USP54: variants seen among roughly 807,000 people sequenced by gnomAD.
USP54 encodes the protein ubiquitin specific peptidase 54, also known as ubiquitin carboxyl-terminal hydrolase 54.
USP54 carries 87 observed loss-of-function variants against 170.5 expected under a neutral mutation model. The observed-to-expected ratio is 0.51, with a 90% CI of 0.43 to 0.61. The LOEUF (loss-of-function observed/expected upper bound fraction) is 0.61. USP54 is among the 20% of genes least tolerant of loss of function. The probability of loss-of-function intolerance (pLI) is 0.00; values close to 1 mark genes in which losing one functional copy is unlikely to be tolerated. For synonymous variants in USP54, 655 were observed against 742.8 expected (o/e 0.88, Z 1.92); for missense variants, 1,786 against 2,047.8 (o/e 0.87, Z 2.47).
chr10:73,605,185 T>C (rs2079523169), intron 1 of USP54, among the ~76,000 whole-genome samples: 1 of 152,200 alleles, frequency 6.6e-6, no homozygotes, highest in East Asian at 1.9e-4. Context: ...TCCAGCTGGC[T>C]TCACCTCTCA....
At chr10:73,547,328 G>T (rs1019215494) in intron 4 of USP54, among the ~76,000 whole-genome samples, 1 of 152,136 alleles carries the variant, frequency 6.6e-6, no homozygotes, top group African/African-American at 2.4e-5. Flanking sequence ...TTGAACCCGG[G>T]AGGCTGAGGC....
intron 3 of USP54, among the ~76,000 whole-genome samples, chr10:73,573,056 G>A (rs2075485692): frequency 6.6e-6 from 1 of 152,076 alleles, no homozygotes; most frequent in African/African-American, 2.4e-5. Context: ...GGACAACGCA[G>A]GATGATCATT....
At chr10:73,597,835 A>G (rs2078852681) in intron 1 of USP54, among the ~76,000 whole-genome samples, 2 of 152,188 alleles carry the variant, frequency 1.3e-5, no homozygotes, top group Non-Finnish European at 2.9e-5. Context: ...CTGTAATCCC[A>G]ACACTTTGGG....
intron 18 of USP54, 115 bp downstream of exon 18, chr10:73,520,793 A>AG: frequency 6.9e-7 from 1 of 1,452,526 alleles, no homozygotes; most frequent in Admixed American, 1.8e-5. Flanking sequence ...AGTTTGGGAG[A>AG]GCAAGAGTGA....
intron 11 of USP54, among the ~76,000 whole-genome samples, chr10:73,535,471 A>AT (rs2065035369): frequency 6.6e-6 from 1 of 152,174 alleles, no homozygotes; most frequent in African/African-American, 2.4e-5. Context: ...TTTCAAAATT[A>AT]TATCAAGGGC....
At chr10:73,588,253 G>T (rs2077763312) in intron 1 of USP54, among the ~76,000 whole-genome samples, 1 of 151,772 alleles carries the variant, frequency 6.6e-6, no homozygotes, top group South Asian at 2.1e-4. Flanking sequence ...ACGGAGTCTC[G>T]CAGTCACCCA....
chr10:73,530,394 G>T lies in USP54; in HGVS notation c.1577C>A (p.Thr526Asn). The T allele has an allele frequency of 6.2e-7, 1 of 1,614,154 alleles. No homozygotes were observed. The highest frequency in any genetic ancestry group is 8.5e-7 in the Non-Finnish European group (1 of 1,180,028). ...GCCCCTGCAGTGAGAGCCTACATTGGTCTGAGAAGCCAGGGATGGTCTGTT... is the reference window on the plus strand; with the variant it reads ...GCCCCTGCAGTGAGAGCCTACATTGTTCTGAGAAGCCAGGGATGGTCTGTT... ...IHNRPSLASQ[T>N]NVGSHCRGRG... is the part of the protein sequence containing the mutation. Residue 526 changes from threonine to asparagine, a missense_variant, in exon 14 of 24, where the codon ACC becomes AAC. Physicochemically the swap from Thr to Asn is moderately conservative, Grantham distance 65 (BLOSUM62 0). Coordinates refer to ENST00000687698, the MANE Select transcript of USP54 (RefSeq NM_001391956.1).
intron 1 of USP54, among the ~76,000 whole-genome samples, chr10:73,604,290 G>A (rs1202018219): frequency 6.6e-6 from 1 of 152,102 alleles, no homozygotes; most frequent in Non-Finnish European, 1.5e-5. Context: ...AAAAAACAGT[G>A]TTGGCAAGAA....
intron 14 of USP54, 44 bp downstream of exon 14, chr10:73,530,099 C>CA: frequency 6.5e-7 from 1 of 1,547,586 alleles, no homozygotes; most frequent in Non-Finnish European, 8.7e-7. Flanking sequence ...AGACATAAAT[C>CA]AACTTTATTC....
chr10:73,530,555 T>A lies in USP54; in HGVS notation c.1448-32A>T, dbSNP rs200053879. On this transcript the variant is annotated intron_variant, in intron 13 of 23. Coordinates refer to ENST00000687698, the MANE Select transcript of USP54 (RefSeq NM_001391956.1). ...ACACAAAGAATGAAAGAAATATAGA[T>A]GTTTAAAGTGATCATGGATACTAGA... is the stretch of plus-strand genomic sequence containing the variant. 5.1e-5 allele frequency: 80 copies of A among 1,583,010 alleles called. No individual in the cohort carries two copies. The African/African-American group carries it at 9.0e-4, about 18-fold the overall frequency.
Position 73,615,102 on chromosome 10 carries a change from C to T in USP54, c.-18+10465G>A, listed in dbSNP as rs1056007418. The T allele has an allele frequency of 8.6e-5, 13 of 150,348 alleles. 1 individual carries two copies. The highest frequency in any genetic ancestry group is 6.8e-3 in the Middle Eastern group (2 of 294). The allele number at this position is 150,348 out of a possible 1,614,324, so 9.3% of individuals were successfully genotyped here. On this transcript the variant is annotated intron_variant, in intron 1 of 22. Coordinates refer to the USP54 transcript ENST00000339859. ...CTGTGGTGGCTCACATCTGTAATCC[C>T]GTCACTTTAGGAGGCCAAGGCAGCA...
chr10:73,501,286 T>G (rs2058060668), intron 22 of USP54, among the ~76,000 whole-genome samples: 1 of 152,172 alleles, frequency 6.6e-6, no homozygotes. Flanking sequence ...TACCCCATCT[T>G]CTCTCCTGTC....
At chr10:73,525,162 C>G (rs2062633132) in intron 16 of USP54, among the ~76,000 whole-genome samples, 1 of 152,062 alleles carries the variant, frequency 6.6e-6, no homozygotes, top group Non-Finnish European at 1.5e-5. Flanking sequence ...TATCTATGTA[C>G]TTGTGTAAGC....
At chr10:73,520,770 G>A in intron 18 of USP54, 138 bp downstream of exon 18, 1 of 1,227,480 alleles carries the variant, frequency 8.1e-7, no homozygotes, top group East Asian at 2.4e-5. Flanking sequence ...GGCAAAAACA[G>A]CTAACGCGAC....
chr10:73,501,144 G>A (rs1412558693), intron 22 of USP54, among the ~76,000 whole-genome samples: 1 of 152,014 alleles, frequency 6.6e-6, no homozygotes. Flanking sequence ...GAGAGATTGA[G>A]ATAGAAATTT....
upstream of USP54, among the ~76,000 whole-genome samples, chr10:73,593,910 G>C (rs963694649): frequency 2.0e-5 from 3 of 152,146 alleles, no homozygotes; most frequent in African/African-American, 7.2e-5. Flanking sequence ...AAGAGAAACA[G>C]AGGATTTCTC....
chr10:73,572,441 G>A (rs1029959400), intron 3 of USP54, among the ~76,000 whole-genome samples: 6 of 152,128 alleles, frequency 3.9e-5, no homozygotes, highest in Non-Finnish European at 7.3e-5. Flanking sequence ...GCTCCCCCTT[G>A]CTAGGAAAAC....
rs181927416 is a variant in USP54, at chr10:73,580,806, T to C, written c.-581-4445A>G. On this transcript the variant is annotated intron_variant, in intron 1 of 23. Transcript: ENST00000687698. Reference sequence around the variant, plus strand: ...GTTGACCATGCTGGTCTCCAACTCCTGACTTCAGGTGATCCTCCCGCCTCA... The same window carrying C: ...GTTGACCATGCTGGTCTCCAACTCCCGACTTCAGGTGATCCTCCCGCCTCA... 3.4e-4 allele frequency among the ~76,000 whole-genome samples: 52 copies of C among 152,238 alleles called. No homozygotes were observed. In the East Asian group the frequency reaches 8.5e-3, roughly 25 times the overall value.
intron 20 of USP54, among the ~76,000 whole-genome samples, 188 bp downstream of exon 20, chr10:73,516,187 T>G (rs980694878): frequency 1.3e-5 from 2 of 152,152 alleles, no homozygotes; most frequent in African/African-American, 4.8e-5. Context: ...ATTCTGCCCC[T>G]TCCTCCACTC....
Sources: gnomAD v4.1 joint callset for allele counts (sites outside exome capture counted in the v4.1 genomes callset) on GRCh38, gnomAD v4.1.1 for gene constraint, MANE v1.5 for transcripts, NCBI Gene and HGNC (gene_info 2026-07-23, HGNC 2026-07-21) for gene names.